The following SYNPR variants were observed in gnomAD, a reference collection of about 807,000 sequenced individuals.
SYNPR encodes the protein synaptoporin.
Under a neutral mutation model 32.9 loss-of-function variants are expected in SYNPR, and 23 were observed. That is an observed-to-expected ratio of 0.70 (90% CI 0.50 to 0.99). SYNPR has a LOEUF of 0.99. Ranked by LOEUF, SYNPR falls within the 50% of genes least tolerant of loss-of-function variation. SYNPR has a pLI of 0.00. For synonymous variants in SYNPR, 146 were observed against 135.9 expected (o/e 1.07, Z -0.52); for missense variants, 318 against 349.3 (o/e 0.91, Z 0.71).
At chr3:63,557,265 CA>C (rs1702611309) in intron 4 of SYNPR, among the ~76,000 whole-genome samples, 1 of 152,104 alleles carries the variant, frequency 6.6e-6, no homozygotes, top group Admixed American at 6.5e-5. Flanking sequence ...TAGGGGGACA[CA>C]AAACCTCTAA....
At chr3:63,614,167 G>A (rs1159755177) in intron 5 of SYNPR, among the ~76,000 whole-genome samples, 14 of 152,208 alleles carry the variant, frequency 9.2e-5, no homozygotes, top group African/African-American at 3.4e-4. Flanking sequence ...TGATTGGTCA[G>A]CGTCACGCTA....
At chr3:63,493,641 C>T (rs536005448) in intron 3 of SYNPR, among the ~76,000 whole-genome samples, 35 of 151,892 alleles carry the variant, frequency 2.3e-4, no homozygotes, top group African/African-American at 7.2e-5. Flanking sequence ...CATGGTGAAA[C>T]CTCATCTCTA....
intron 2 of SYNPR, among the ~76,000 whole-genome samples, chr3:63,453,300 C>G (rs988904919): frequency 6.6e-6 from 1 of 152,142 alleles, no homozygotes; most frequent in African/African-American, 2.4e-5. Flanking sequence ...AACCCCCCAA[C>G]AGAAGAGCCT....
intron 4 of SYNPR, among the ~76,000 whole-genome samples, chr3:63,561,903 A>T (rs1021868360): frequency 6.6e-6 from 1 of 152,194 alleles, no homozygotes; most frequent in South Asian, 2.1e-4. Flanking sequence ...GTATGACAAG[A>T]TTGCCCACCT....
In SYNPR at chr3:63,615,648, A is replaced by T; in HGVS notation, c.*167A>T. The T allele has an allele frequency of 1.1e-6, 1 of 890,030 alleles. No homozygotes were observed. The highest frequency in any genetic ancestry group is 1.9e-5 in the South Asian group (1 of 51,516). 55.1% of individuals were successfully genotyped at this position (890,030 alleles called of 1,614,324 possible). A position where few individuals can be genotyped will look rare whatever the true frequency, so the allele number is the denominator to read the frequency against. ...CAAGTCCTGGGTTGTGAAAAATGAT[A>T]CTTAGAGATGAGGCGACATGAGGAG... On this transcript the variant is annotated 3_prime_UTR_variant, in exon 6 of 6. Coordinates refer to ENST00000478300, the MANE Select transcript of SYNPR (RefSeq NM_001130003.2).
At position 63,397,095 on chromosome 3, in the gene SYNPR, C is replaced by T. The variant is rs112997200; in HGVS notation, c.85-83737C>T. 2.1e-3 allele frequency among the ~76,000 whole-genome samples: 231 copies of T among 112,652 alleles called. 4 individuals are homozygous for T. Among genetic ancestry groups the T allele is most frequent in the Middle Eastern group, 0.016 (3 of 184 alleles). 73.9% of individuals were successfully genotyped at this position (112,652 alleles called of 152,430 possible). ...CTCCAGCCTGGGCAACAGAGCGAGA[C>T]TCCGTCTCAAAAAAAAAAAAAAAAA... On this transcript the variant is annotated intron_variant, in intron 2 of 5. Coordinates refer to ENST00000478300, the MANE Select transcript of SYNPR (RefSeq NM_001130003.2).
intron 2 of SYNPR, among the ~76,000 whole-genome samples, chr3:63,365,060 C>T (rs946413132): frequency 3.9e-5 from 6 of 152,084 alleles, no homozygotes; most frequent in African/African-American, 1.4e-4. Context: ...GGAGTGATCA[C>T]TTATGATCAG....
intron 2 of SYNPR, among the ~76,000 whole-genome samples, chr3:63,377,795 T>C (rs2087914503): frequency 6.6e-6 from 1 of 152,006 alleles, no homozygotes; most frequent in Non-Finnish European, 1.5e-5. Context: ...AGTTGAATCT[T>C]TAATAAAACA....
chr3:63,299,779 T>C (rs2086825001), intron 2 of SYNPR, among the ~76,000 whole-genome samples: 1 of 152,150 alleles, frequency 6.6e-6, no homozygotes, highest in Admixed American at 6.6e-5. Context: ...GGAAATGTGG[T>C]CCTAGGCAGT....
At chr3:63,210,148 A>G in the SYNPR span, among the ~76,000 whole-genome samples, 3 of 152,218 alleles carry the variant, frequency 2.0e-5, no homozygotes, top group Non-Finnish European at 4.4e-5. Flanking sequence ...GAGAGATTCA[A>G]TTCACTATAT....
intron 1 of SYNPR, among the ~76,000 whole-genome samples, chr3:63,236,899 TGAA>T (rs1482125318): frequency 6.6e-6 from 1 of 152,160 alleles, no homozygotes; most frequent in African/African-American, 2.4e-5. Flanking sequence ...AATACTATGT[TGAA>T]GAAGAGTGGT....
At chr3:63,574,469 T>C (rs1437775790) in intron 4 of SYNPR, among the ~76,000 whole-genome samples, 2 of 152,112 alleles carry the variant, frequency 1.3e-5, no homozygotes, top group African/African-American at 4.8e-5. Flanking sequence ...TGAGTAATTC[T>C]CAGTGGTGAA....
intron 3 of SYNPR, among the ~76,000 whole-genome samples, chr3:63,496,087 A>G (rs1052124664): frequency 6.6e-6 from 1 of 152,044 alleles, no homozygotes; most frequent in Non-Finnish European, 1.5e-5. Flanking sequence ...TTTTCCTCCC[A>G]ATTTTTCTGT....
intron 3 of SYNPR, among the ~76,000 whole-genome samples, chr3:63,530,803 T>C (rs113331646): frequency 0.014 from 2,160 of 152,200 alleles, 34 homozygotes; most frequent in African/African-American, 0.046. Flanking sequence ...TGGAGAGAAA[T>C]AAGTTTTATG....
intron 2 of SYNPR, among the ~76,000 whole-genome samples, chr3:63,424,752 A>G (rs563938945): frequency 2.1e-4 from 32 of 152,312 alleles, no homozygotes; most frequent in Non-Finnish European, 3.4e-4. Context: ...GAGGGGAGCT[A>G]TTAGTAAGTT....
At chr3:63,294,085 A>G (rs1367528465) in intron 2 of SYNPR, among the ~76,000 whole-genome samples, 4 of 152,110 alleles carry the variant, frequency 2.6e-5, no homozygotes, top group Non-Finnish European at 4.4e-5. Context: ...CATAATTTTA[A>G]TGTCTATATG....
At chr3:63,240,185 G>A (rs1318541510) in intron 1 of SYNPR, among the ~76,000 whole-genome samples, 1 of 152,086 alleles carries the variant, frequency 6.6e-6, no homozygotes, top group Non-Finnish European at 1.5e-5. Flanking sequence ...ACAAACTGAT[G>A]AGACAGAAAC....
intron 4 of SYNPR, among the ~76,000 whole-genome samples, chr3:63,592,514 G>A: frequency 6.6e-6 from 1 of 151,996 alleles, no homozygotes; most frequent in Non-Finnish European, 1.5e-5. Context: ...AAAAGGGCAA[G>A]GGAGAAACTA....
intron 2 of SYNPR, among the ~76,000 whole-genome samples, chr3:63,476,025 A>G (rs957622987): frequency 8.6e-5 from 13 of 150,964 alleles, no homozygotes; most frequent in Non-Finnish European, 1.6e-4. Context: ...TAAAAAGTGG[A>G]AGAAAGGTAG....
Sources: gnomAD v4.1 joint callset for allele counts (sites outside exome capture counted in the v4.1 genomes callset) on GRCh38, gnomAD v4.1.1 for gene constraint, MANE v1.5 for transcripts, NCBI Gene and HGNC (gene_info 2026-07-23, HGNC 2026-07-21) for gene names.